NOTCH2: variants seen among roughly 807,000 people sequenced by gnomAD.
NOTCH2 encodes neurogenic locus notch homolog protein 2.
In NOTCH2, 29 loss-of-function variants were observed where a neutral mutation model predicts 235.8. The ratio of observed to expected loss-of-function variants is 0.12; its 90% CI spans 0.09 to 0.17. NOTCH2 has a LOEUF of 0.17. Ranked by LOEUF, NOTCH2 falls within the 10% of genes least tolerant of loss-of-function variation. NOTCH2 has a pLI of 1.00. For missense variants in NOTCH2, 2,285 were observed against 3,150.2 expected (o/e 0.73, Z 6.57); for synonymous variants, 1,086 against 1,141.5 (o/e 0.95, Z 0.98).
chr1:120,064,810 A>C (rs1396762645), intron 1 of NOTCH2, among the ~76,000 whole-genome samples: 1 of 150,010 alleles, frequency 6.7e-6, no homozygotes, highest in Non-Finnish European at 1.5e-5. Context: ...AATCCAGTAC[A>C]AGTTTGCAAT....
At position 119,916,205 on chromosome 1, in the gene NOTCH2, G is replaced by C. The variant is rs1389676023; in HGVS notation, c.6517C>G (p.Pro2173Ala). The C allele has an allele frequency of 1.2e-6, 2 of 1,614,090 alleles. No individual in the cohort carries two copies. The highest frequency in any genetic ancestry group is 1.7e-6 in the Non-Finnish European group (2 of 1,180,046). ...TTGGGTGAGGCCTGTAAGATCCCAGGGGATGTAATCATTGGAGAGGATGTG... is the reference window on the plus strand; with the variant it reads ...TTGGGTGAGGCCTGTAAGATCCCAGCGGATGTAATCATTGGAGAGGATGTG... ...DTTSSPMITS[P>A]GILQASPNPM... The change falls in exon 34 of 34, where the codon CCT becomes GCT. Residue 2173 changes from proline to alanine, a missense_variant. Coordinates refer to ENST00000256646, the MANE Select transcript of NOTCH2 (RefSeq NM_024408.4).
chr1:119,958,754 G>A (rs1650813099), intron 12 of NOTCH2, among the ~76,000 whole-genome samples: 1 of 152,000 alleles, frequency 6.6e-6, no homozygotes, highest in African/African-American at 2.4e-5. Flanking sequence ...GTGTGTGCGT[G>A]TGCATGTACA....
intron 22 of NOTCH2, among the ~76,000 whole-genome samples, chr1:119,932,822 T>C (rs1016791744): frequency 4.6e-5 from 7 of 152,164 alleles, no homozygotes; most frequent in African/African-American, 1.7e-4. Flanking sequence ...TTCTGAAGGA[T>C]ACAGTTTTTG....
In NOTCH2 at chr1:119,987,268, G is replaced by T. The variant is rs782579032; in HGVS notation, c.752-186C>A. The stretch of plus-strand genomic sequence containing the variant: ...TCTTCTCTGGCCTCAAGCATAGCTA[G>T]ACAGTGAAAGTGACTCATTGTGCCA... On this transcript the variant is annotated intron_variant, in intron 4 of 33. Transcript: ENST00000256646. Among the ~76,000 whole-genome samples the T allele has an allele frequency of 1.2e-4, 18 of 152,270 alleles. 1 individual carries two copies. The highest frequency in any genetic ancestry group is 3.3e-4 in the Admixed American group (5 of 15,284).
intron 22 of NOTCH2, among the ~76,000 whole-genome samples, chr1:119,932,607 A>C (rs199528138): frequency 4.7e-5 from 7 of 148,458 alleles, no homozygotes; most frequent in African/African-American, 7.5e-5. Context: ...AAACAAACAA[A>C]TATCTATCTA....
Position 119,923,984 on chromosome 1 carries a change from C to A in NOTCH2, c.4512G>T (p.Lys1504Asn). ...AGTGGTCTGCACAGTATTTGTCATA[C>A]CTAGGTAAGGGGAAGCAGAGAACAG... is the stretch of plus-strand genomic sequence containing the variant. The part of the protein sequence containing the change: ...FECQGNSKTC[K>N]YDKYCADHFK... Residue 1504 changes from lysine to asparagine, a missense_variant and splice_region_variant, in exon 26 of 34, where the codon AAG becomes AAT. Coordinates refer to ENST00000256646, the MANE Select transcript of NOTCH2 (RefSeq NM_024408.4). 6.2e-7 allele frequency: 1 copy of A among 1,612,706 alleles called. No individual in the cohort carries two copies. The highest frequency in any genetic ancestry group is 8.5e-7 in the Non-Finnish European group (1 of 1,178,796).
intron 9 of NOTCH2, among the ~76,000 whole-genome samples, 197 bp from the exon 10 acceptor site, chr1:119,965,763 T>C (rs782341523): frequency 1.3e-5 from 2 of 152,210 alleles, no homozygotes; most frequent in East Asian, 3.9e-4. Context: ...GTCTCTACCA[T>C]TGCTTCTTCA....
chr1:119,962,564 G>T (rs1443174159), intron 11 of NOTCH2, among the ~76,000 whole-genome samples: 1 of 152,164 alleles, frequency 6.6e-6, no homozygotes, highest in Non-Finnish European at 1.5e-5. Flanking sequence ...GAAGCCTTGG[G>T]TAAAGACCAG....
At position 119,928,959 on chromosome 1, in the gene NOTCH2, G is replaced by A. The variant is rs782500760; in HGVS notation, c.3892+17C>T. 1 of 1,605,688 alleles carries A rather than the reference G, an allele frequency of 6.2e-7. No homozygotes were observed. Among genetic ancestry groups the A allele is most frequent in the African/African-American group, 1.3e-5 (1 of 74,916 alleles). ...TCCTCCAAGGCAGAGTGGCCAGGAG[G>A]CTAGAGAGCTTCTCACCAGTAAAGG... On this transcript the variant is annotated intron_variant, in intron 23 of 33. Transcript: ENST00000256646.
intron 2 of NOTCH2, among the ~76,000 whole-genome samples, chr1:120,015,334 T>G (rs1452797061): frequency 5.9e-5 from 9 of 152,134 alleles, no homozygotes; most frequent in African/African-American, 2.2e-4. Flanking sequence ...AGTGGCAGCC[T>G]GCCCTAGCTG....
At chr1:120,046,085 AT>A (rs1176030844) in intron 1 of NOTCH2, among the ~76,000 whole-genome samples, 1 of 149,182 alleles carries the variant, frequency 6.7e-6, no homozygotes, top group Non-Finnish European at 1.5e-5. Flanking sequence ...TGGGGTATAC[AT>A]TTTTTAAGGG....
intron 2 of NOTCH2, among the ~76,000 whole-genome samples, chr1:120,017,973 C>A (rs1387029550): frequency 2.0e-5 from 3 of 151,744 alleles, no homozygotes; most frequent in Non-Finnish European, 4.4e-5. Flanking sequence ...TCTGTAGTGA[C>A]TGCCATTGAA....
At chr1:119,951,689 A>G (rs1553197837) in intron 14 of NOTCH2, among the ~76,000 whole-genome samples, 1 of 152,230 alleles carries the variant, frequency 6.6e-6, no homozygotes, top group East Asian at 1.9e-4. Context: ...ATTAGTGGAG[A>G]TAGCACAGTA....
At chr1:119,997,852 T>C (rs1396620901) in intron 3 of NOTCH2, among the ~76,000 whole-genome samples, 1 of 139,262 alleles carries the variant, frequency 7.2e-6, no homozygotes, top group African/African-American at 3.0e-5. Flanking sequence ...CGCGCACCTG[T>C]GATCCCAGCT....
chr1:119,915,238 G>T lies in NOTCH2; in HGVS notation c.*68C>A. On this transcript the variant is annotated 3_prime_UTR_variant, in exon 34 of 34. Coordinates refer to ENST00000256646, the MANE Select transcript of NOTCH2 (RefSeq NM_024408.4). Reference sequence around the variant, plus strand: ...AGATTTCTTCATTTCTCTCCCGGATGACCTTCATTTGTTCCTCAGCAGCAT... The same window carrying T: ...AGATTTCTTCATTTCTCTCCCGGATTACCTTCATTTGTTCCTCAGCAGCAT... The T allele has an allele frequency of 6.7e-7, 1 of 1,486,638 alleles. No homozygotes were observed. Among genetic ancestry groups the T allele is most frequent in the South Asian group, 1.1e-5 (1 of 88,162 alleles). The allele number at this position is 1,486,638 out of a possible 1,614,324, so 92.1% of individuals were successfully genotyped here.
At chr1:119,954,889 G>A (rs1650626186) in intron 13 of NOTCH2, 151 bp downstream of exon 13, 5 of 749,370 alleles carry the variant, frequency 6.7e-6, no homozygotes, top group Middle Eastern at 3.7e-4. Flanking sequence ...GGATTAAATG[G>A]TAATTCAGAA....
Position 120,005,481 on chromosome 1 carries a change from G to T in NOTCH2, c.263C>A (p.Ala88Asp), listed in dbSNP as rs1553206149. Reference sequence around the variant, plus strand: ...AAACCCTGAGGCACATCGGCACGTGGCTTTCCCCAGCATGGCCTGGGCCAC... The same window carrying T: ...AAACCCTGAGGCACATCGGCACGTGTCTTTCCCCAGCATGGCCTGGGCCAC... ...TCVAQAMLGK[A>D]TCRCASGFTG... The change falls in exon 3 of 34, where the codon GCC (alanine) becomes GAC (aspartate). Residue 88 changes from alanine (A) to aspartate (D), a missense_variant. By Grantham distance (126) the Ala-to-Asp change is moderately radical. Around this residue, in one of 6 missense-constraint regions of NOTCH2, gnomAD observed 431 missense variants for 757.8 expected, o/e 0.57. Coordinates refer to ENST00000256646, the MANE Select transcript of NOTCH2 (RefSeq NM_024408.4). The T allele has an allele frequency of 1.9e-6, 3 of 1,613,604 alleles. No individual in the cohort carries two copies. Among genetic ancestry groups the T allele is most frequent in the Non-Finnish European group, 2.5e-6 (3 of 1,179,780 alleles).
intron 5 of NOTCH2, among the ~76,000 whole-genome samples, chr1:119,970,566 G>A (rs1037541480): frequency 1.3e-5 from 2 of 152,128 alleles, no homozygotes; most frequent in African/African-American, 2.4e-5. Flanking sequence ...TCACACTAAA[G>A]GAAGCTAAAC....
intron 2 of NOTCH2, among the ~76,000 whole-genome samples, chr1:120,028,389 C>T (rs1476155700): frequency 6.6e-6 from 1 of 150,616 alleles, no homozygotes; most frequent in Non-Finnish European, 1.5e-5. Flanking sequence ...TATTAAGTTC[C>T]CTCCCTTATT....
Sources: allele counts gnomAD v4.1 joint callset (sites outside exome capture counted in the v4.1 genomes callset), GRCh38; gene constraint gnomAD v4.1.1; regional missense constraint gnomAD v4.1.1; transcripts MANE v1.5; gene names NCBI Gene and HGNC (gene_info 2026-07-23, HGNC 2026-07-21).